Variants in UPF1 observed in about 807,000 individuals in gnomAD.
UPF1 encodes regulator of nonsense transcripts 1.
In UPF1, 9 loss-of-function variants were observed where a neutral mutation model predicts 129.2. The ratio of observed to expected loss-of-function variants is 0.07; its 90% CI spans 0.04 to 0.12. UPF1 has a LOEUF of 0.12. Ranked by LOEUF, UPF1 falls within the 10% of genes least tolerant of loss-of-function variation. The pLI is 1.00. For synonymous variants in UPF1, 649 were observed against 644.9 expected (o/e 1.01, Z -0.10); for missense variants, 788 against 1,525.3 (o/e 0.52, Z 8.05).
rs756515951 is a variant in UPF1 at position 18,865,574 on chromosome 19, G to A, written c.3033G>A (p.Pro1011=). 3.2e-5 allele frequency: 52 copies of A among 1,613,950 alleles called. No individual in the cohort carries two copies. Among genetic ancestry groups the A allele is most frequent in the Non-Finnish European group, 3.9e-5 (46 of 1,180,038 alleles). Residue 1011 remains proline (P), a synonymous_variant, in exon 22 of 24, where the codon CCG becomes CCA. Transcript: ENST00000262803. The surrounding 1 kb of genome is among the most constrained non-coding windows in gnomAD (Gnocchi z 6.1). The part of the protein sequence containing the change: ...ANGPAAGRGT[P]KGKTGRGGRQ... ...GCTGTCTTTCAGGGCGAGGCACCCC[G>A]AAAGGCAAGACTGGTCGTGGGGGAC... is the stretch of plus-strand genomic sequence containing the variant.
In UPF1 at chr19:18,853,230, T is replaced by A. The variant is rs2055679211; in HGVS notation, c.1058-22T>A. 3.7e-6 allele frequency: 6 copies of A among 1,604,370 alleles called. No homozygotes were observed. In the East Asian group the frequency reaches 1.4e-4, roughly 36 times the overall value. ...GACGGCGTGGGTTAAAATGGCCACCTCTCTCACTTTTTTACCTCAAGACAT... is the reference window on the plus strand; with the variant it reads ...GACGGCGTGGGTTAAAATGGCCACCACTCTCACTTTTTTACCTCAAGACAT... On this transcript the variant is annotated intron_variant, in intron 7 of 23. Coordinates refer to ENST00000262803, the MANE Select transcript of UPF1 (RefSeq NM_002911.4). This position sits in a 1 kb window ranked among gnomAD's most constrained non-coding sequence, Gnocchi z 4.4.
In UPF1 at chr19:18,845,944, G is replaced by A. The variant is rs772470269; in HGVS notation, c.232-36G>A. On this transcript the variant is annotated intron_variant, in intron 1 of 23. Coordinates refer to ENST00000262803, the MANE Select transcript of UPF1 (RefSeq NM_002911.4). ...TCTTCTGCACTGAGTCCTGGAAGCT[G>A]CAGCCTCACTCAGGTGACACTGCGT... The A allele has an allele frequency of 2.5e-6, 4 of 1,610,172 alleles. No individual in the cohort carries two copies. In the South Asian group the frequency reaches 3.3e-5, roughly 13 times the overall value.
In UPF1 at chr19:18,851,011, T is replaced by A; in HGVS notation, c.810+143T>A. 9.4e-7 allele frequency: 1 copy of A among 1,063,708 alleles called. No individual in the cohort carries two copies. The highest frequency in any genetic ancestry group is 1.3e-6 in the Non-Finnish European group (1 of 777,758). 65.9% of individuals were successfully genotyped at this position (1,063,708 alleles called of 1,614,324 possible). On this transcript the variant is annotated intron_variant, in intron 5 of 23. Coordinates refer to ENST00000262803, the MANE Select transcript of UPF1 (RefSeq NM_002911.4). The surrounding 1 kb of genome is among the most constrained non-coding windows in gnomAD (Gnocchi z 4.2). ...CAGGCAGACCTCTGCCACCTCTACGTGGAATGACCTCAGGGCACCTTGGTC... is the reference window on the plus strand; with the variant it reads ...CAGGCAGACCTCTGCCACCTCTACGAGGAATGACCTCAGGGCACCTTGGTC...
rs745977881 is a variant in UPF1 at position 18,865,726 on chromosome 19, G to T, written c.3185G>T (p.Ser1062Ile). The part of the protein sequence containing the change: ...GALTQGYISM[S>I]QPSQMSQPGL... The stretch of plus-strand genomic sequence containing the variant: ...CTGACGCAGGGCTACATCTCCATGA[G>T]CCAGCCTTCCCAGATGAGCCAGCCC... Residue 1062 changes from serine to isoleucine, a missense_variant, in exon 22 of 24, where the codon AGC becomes ATC. By Grantham distance (142) the Ser-to-Ile change is moderately radical. Around this residue, in one of 6 missense-constraint regions of UPF1, gnomAD observed 218 missense variants for 318.1 expected, o/e 0.69. Coordinates refer to ENST00000262803, the MANE Select transcript of UPF1 (RefSeq NM_002911.4). The surrounding 1 kb of genome is among the most constrained non-coding windows in gnomAD (Gnocchi z 6.1). 6.2e-7 allele frequency: 1 copy of T among 1,613,484 alleles called. No homozygotes were observed. Among genetic ancestry groups the T allele is most frequent in the South Asian group, 1.1e-5 (1 of 91,086 alleles).
rs2055785560 is a variant in UPF1, at chr19:18,861,994, C to T, written c.2458-16C>T. The stretch of plus-strand genomic sequence containing the variant: ...GCAGCCTGCTGGCTGATAGTGACCA[C>T]AAAGCTCCCTTCCAGGAGGTGGAGA... On this transcript the variant is annotated splice_polypyrimidine_tract_variant and intron_variant, in intron 17 of 23. Transcript: ENST00000262803. The T allele has an allele frequency of 6.2e-7, 1 of 1,613,306 alleles. No individual in the cohort carries two copies. The highest frequency in any genetic ancestry group is 8.5e-7 in the Non-Finnish European group (1 of 1,179,834).
intron 23 of UPF1, 25 bp from the exon 24 acceptor site, chr19:18,866,496 C>G (rs995757938): frequency 7.7e-5 from 21 of 274,500 alleles, no homozygotes; most frequent in Non-Finnish European, 1.1e-4. Flanking sequence ...CTCTCACCGC[C>G]TCCTGCCCTT....
At chr19:18,858,225 A>T (rs909408899) in intron 15 of UPF1, among the ~76,000 whole-genome samples, 1 of 152,242 alleles carries the variant, frequency 6.6e-6, no homozygotes, top group Non-Finnish European at 1.5e-5. Flanking sequence ...TCCAAAAATG[A>T]TCGAACCTGT....
At chr19:18,863,416 C>T (rs771778778) in intron 18 of UPF1, 22 bp from the exon 19 acceptor site, 3 of 1,607,006 alleles carry the variant, frequency 1.9e-6, no homozygotes, top group African/African-American at 2.7e-5. Flanking sequence ...CCTGCGTCCT[C>T]AGCACTGCGC....
At chr19:18,846,574 GT>G (rs2055602743) in intron 2 of UPF1, among the ~76,000 whole-genome samples, 2 of 152,122 alleles carry the variant, frequency 1.3e-5, no homozygotes, top group South Asian at 4.2e-4. Context: ...GAAGACAGTA[GT>G]TAGTGGATAG....
chr19:18,864,179 T>C lies in UPF1; in HGVS notation c.2785T>C (p.Phe929Leu). 6.2e-7 allele frequency: 1 copy of C among 1,613,970 alleles called. No individual in the cohort carries two copies. The highest frequency in any genetic ancestry group is 2.2e-5 in the East Asian group (1 of 44,888). Residue 929 changes from phenylalanine (F) to leucine (L), a missense_variant, in exon 20 of 24, where the codon TTC becomes CTC. Physicochemically the swap from Phe to Leu is conservative, Grantham distance 22. Transcript: ENST00000262803. ...LVNTINPGAR[F>L]MTTAMYDARE... ...ATCTAAACCTTCGCAGGGAGCCCGC[T>C]TCATGACCACAGCCATGTATGATGC... is the stretch of plus-strand genomic sequence containing the variant.
rs1016644890 is a variant in UPF1 at position 18,832,497 on chromosome 19, G to C, written c.231+57G>C. On this transcript the variant is annotated intron_variant, in intron 1 of 23. Coordinates refer to ENST00000262803, the MANE Select transcript of UPF1 (RefSeq NM_002911.4). The surrounding 1 kb of genome is among the most constrained non-coding windows in gnomAD (Gnocchi z 5.6). Reference sequence around the variant, plus strand: ...GGCCCGGCCTCGGCGCCTGAGACCTGCCCCGAACTCGCCTCGGGCCCGGCC... The same window carrying C: ...GGCCCGGCCTCGGCGCCTGAGACCTCCCCCGAACTCGCCTCGGGCCCGGCC... 2 of 991,906 alleles carry C rather than the reference G, an allele frequency of 2.0e-6. No individual in the cohort carries two copies. The highest frequency in any genetic ancestry group is 3.5e-5 in the African/African-American group (2 of 57,306). The allele number at this position is 991,906 out of a possible 1,614,324, so 61.4% of individuals were successfully genotyped here. A position where few individuals can be genotyped will look rare whatever the true frequency, so the allele number is the denominator to read the frequency against.
intron 13 of UPF1, 69 bp downstream of exon 13, chr19:18,856,369 G>A (rs2055718076): frequency 7.0e-7 from 1 of 1,421,030 alleles, no homozygotes; most frequent in Admixed American, 2.1e-5. Flanking sequence ...TTGGGCCAAA[G>A]CACCTATTTG....
chr19:18,853,059 A>G lies in UPF1; in HGVS notation c.1045A>G (p.Lys349Glu). Residue 349 changes from lysine (K) to glutamate (E), a missense_variant, in exon 7 of 24, where the codon AAG becomes GAG. Lys to Glu is a moderately conservative substitution (Grantham distance 56). Transcript: ENST00000262803. This position sits in a 1 kb window ranked among gnomAD's most constrained non-coding sequence, Gnocchi z 4.4. ...KKRIAYFTLP[K>E]TDSDMRLMQG... ...GAGAATCGCCTACTTCACTTTGCCC[A>G]AGACTGACTCTGGTAATGAGGATTT... The G allele has an allele frequency of 1.2e-6, 2 of 1,614,190 alleles. No homozygotes were observed. Among genetic ancestry groups the G allele is most frequent in the Non-Finnish European group, 1.7e-6 (2 of 1,180,032 alleles).
At chr19:18,843,173 C>A (rs1422456530) in intron 1 of UPF1, among the ~76,000 whole-genome samples, 1 of 152,174 alleles carries the variant, frequency 6.6e-6, no homozygotes, top group South Asian at 2.1e-4. Context: ...CAGGAATGAG[C>A]TGCTTTGCCT....
chr19:18,844,178 A>G (rs561801251), intron 1 of UPF1, among the ~76,000 whole-genome samples: 4 of 151,308 alleles, frequency 2.6e-5, no homozygotes, highest in Non-Finnish European at 5.9e-5. Flanking sequence ...CCAGAACTAA[A>G]GGAGTTAGAG....
Position 18,864,270 on chromosome 19 carries a change from G to C in UPF1, c.2857+19G>C, listed in dbSNP as rs750120269. 2 of 1,600,844 alleles carry C rather than the reference G, an allele frequency of 1.2e-6. No individual in the cohort carries two copies. The highest frequency in any genetic ancestry group is 1.7e-6 in the Non-Finnish European group (2 of 1,169,444). The stretch of plus-strand genomic sequence containing the variant: ...AGCCAGGGTGAGTCGCTCAGCAGGG[G>C]ACCTGGCCGACCCCTTGTCCTCACA... On this transcript the variant is annotated intron_variant, in intron 20 of 23. Coordinates refer to ENST00000262803, the MANE Select transcript of UPF1 (RefSeq NM_002911.4).
At position 18,832,140 on chromosome 19, in the gene UPF1, C is replaced by G. The variant is rs2055431870; in HGVS notation, c.-70C>G. On this transcript the variant is annotated 5_prime_UTR_variant, in exon 1 of 24. Coordinates refer to ENST00000262803, the MANE Select transcript of UPF1 (RefSeq NM_002911.4). This position sits in a 1 kb window ranked among gnomAD's most constrained non-coding sequence, Gnocchi z 5.6. ...GCGGCAGCGACCCGAGGCCTGCGGC[C>G]TAGGCCTCAGCGCGGCGGCGGGCTC... 1 of 1,412,358 alleles carries G rather than the reference C, an allele frequency of 7.1e-7. No homozygotes were observed. The highest frequency in any genetic ancestry group is 9.4e-7 in the Non-Finnish European group (1 of 1,064,284). The allele number at this position is 1,412,358 out of a possible 1,614,324, so 87.5% of individuals were successfully genotyped here.
intron 15 of UPF1, 31 bp from the exon 16 acceptor site, chr19:18,860,290 T>A (rs768172509): frequency 1.2e-6 from 2 of 1,610,732 alleles, no homozygotes; most frequent in South Asian, 2.2e-5. Context: ...CTAGGGCTTT[T>A]GAAGTGTTAC....
intron 1 of UPF1, among the ~76,000 whole-genome samples, chr19:18,837,646 C>T (rs2055497463): frequency 6.6e-6 from 1 of 152,158 alleles, no homozygotes; most frequent in Non-Finnish European, 1.5e-5. Flanking sequence ...TAGGTACAGA[C>T]CTTTTAGGCA....
Sources: allele counts gnomAD v4.1 joint callset (sites outside exome capture counted in the v4.1 genomes callset), GRCh38; gene constraint gnomAD v4.1.1; regional missense constraint gnomAD v4.1.1; non-coding constraint Gnocchi (gnomAD v3.1); transcripts MANE v1.5; gene names NCBI Gene and HGNC (gene_info 2026-07-23, HGNC 2026-07-21).